Variants in STRA8 observed in about 807,000 individuals in gnomAD.
STRA8 encodes the protein stimulated by retinoic acid gene 8 protein homolog.
A neutral mutation model predicts 37.1 loss-of-function variants in STRA8; 18 were observed. The observed-to-expected ratio is 0.48, with a 90% CI of 0.34 to 0.72. The LOEUF is 0.72. Ranked by LOEUF, STRA8 falls within the 30% of genes least tolerant of loss-of-function variation. STRA8 has a pLI of 0.01. For synonymous variants in STRA8, 168 were observed against 162.9 expected, an observed-to-expected ratio of 1.03 and a Z score of -0.24; for missense variants, 357 against 410.4, an observed-to-expected ratio of 0.87 and a Z score of 1.13.
Position 135,255,245 on chromosome 7 carries a change from C to A in STRA8, c.1065+20C>A. The A allele has an allele frequency of 6.3e-7, 1 of 1,581,104 alleles. No homozygotes were observed. The highest frequency in any genetic ancestry group is 8.7e-7 in the Non-Finnish European group (1 of 1,150,526). On this transcript the variant is annotated intron_variant, in intron 8 of 8. Transcript: ENST00000662584. Reference sequence around the variant, plus strand: ...AAGCAGGTAGGATGGAGTAGAGGGCCGTGGTACCTCTGCCCACCTTGCTTA... The same window carrying A: ...AAGCAGGTAGGATGGAGTAGAGGGCAGTGGTACCTCTGCCCACCTTGCTTA...
rs1562971584 is a variant in STRA8 at position 135,246,820 on chromosome 7, A to G, written c.879+118A>G. The G allele has an allele frequency of 2.8e-6, 3 of 1,086,920 alleles. No individual in the cohort carries two copies. Among genetic ancestry groups the G allele is most frequent in the Middle Eastern group, 3.1e-4 (1 of 3,218 alleles). The allele number at this position is 1,086,920 out of a possible 1,614,324, so 67.3% of individuals were successfully genotyped here. ...AGGTGCAGTTTGCCTTCTGGCTCCC[A>G]AGGTCGGTTTCTGATTTTCTTTTTT... On this transcript the variant is annotated intron_variant, in intron 6 of 8. Coordinates refer to ENST00000662584, the MANE Select transcript of STRA8 (RefSeq NM_001394401.1). The surrounding 1 kb of genome is among the most constrained non-coding windows in gnomAD (Gnocchi z 5.4).
intron 6 of STRA8, among the ~76,000 whole-genome samples, chr7:135,247,384 C>T (rs898232128): frequency 6.6e-6 from 1 of 152,214 alleles, no homozygotes; most frequent in African/African-American, 2.4e-5. Flanking sequence ...CCTCTCTTGG[C>T]TCTGCTCAGT....
At chr7:135,239,675 T>G (rs1280107548) in intron 1 of STRA8, among the ~76,000 whole-genome samples, 2 of 152,180 alleles carry the variant, frequency 1.3e-5, no homozygotes, top group African/African-American at 4.8e-5. Context: ...CCCTGGCCCC[T>G]GTATCTTATT....
At position 135,240,546 on chromosome 7, in the gene STRA8, A is replaced by G. The variant is rs1832446360; in HGVS notation, c.22A>G (p.Ser8Gly). 2 of 1,613,500 alleles carry G rather than the reference A, an allele frequency of 1.2e-6. No homozygotes were observed. Among genetic ancestry groups the G allele is most frequent in the Non-Finnish European group, 1.7e-6 (2 of 1,180,022 alleles). The change falls in exon 2 of 9, where the codon AGC (serine) becomes GGC (glycine). Residue 8 changes from serine to glycine, a missense_variant. Physicochemically the swap from Ser to Gly is moderately conservative, Grantham distance 56 (BLOSUM62 0). Transcript: ENST00000662584. MATPEEN[S>G]NPHDRATPQL... ...TATAATGGCAACCCCTGAAGAAAAC[A>G]GCAATCCCCATGACAGAGCAACACC...
chr7:135,255,715 C>T (rs1832695603), intron 8 of STRA8, among the ~76,000 whole-genome samples: 1 of 152,196 alleles, frequency 6.6e-6, no homozygotes, highest in African/African-American at 2.4e-5. Flanking sequence ...CCTGAAACCA[C>T]CCTTGCCCCC....
intron 4 of STRA8, 110 bp from the exon 5 acceptor site, chr7:135,245,174 TACAC>T: frequency 1.4e-6 from 1 of 694,080 alleles, no homozygotes. Context: ...TGTGTACACC[TACAC>T]ACACACACAT....
In STRA8 at chr7:135,258,487, T is replaced by C; in HGVS notation, c.1135T>C (p.Leu379=). The change falls in exon 9 of 9, where the codon TTG becomes CTG. Residue 379 remains leucine, a synonymous_variant. Transcript: ENST00000662584. The part of the protein sequence containing the change: ...QCTETFDDED[L] The stretch of plus-strand genomic sequence containing the variant: ...CACAGAGACCTTTGACGATGAAGAT[T>C]TGTAATGCAGAAGAGGAGCTGCGAG... The C allele has an allele frequency of 6.3e-7, 1 of 1,597,860 alleles. No individual in the cohort carries two copies. The highest frequency in any genetic ancestry group is 8.5e-7 in the Non-Finnish European group (1 of 1,171,566).
chr7:135,243,693 AAT>A (rs1200191856), intron 4 of STRA8, among the ~76,000 whole-genome samples: 1 of 152,264 alleles, frequency 6.6e-6, no homozygotes, highest in East Asian at 1.9e-4. Context: ...AAAGAAAATC[AAT>A]GTTAATTTTC....
At position 135,246,229 on chromosome 7, in the gene STRA8, C is replaced by A; in HGVS notation, c.594-188C>A. The A allele has an allele frequency of 1.3e-6, 1 of 762,610 alleles. No individual in the cohort carries two copies. Among genetic ancestry groups the A allele is most frequent in the Non-Finnish European group, 2.1e-6 (1 of 478,458 alleles). The allele number at this position is 762,610 out of a possible 1,614,324, so 47.2% of individuals were successfully genotyped here. A position where few individuals can be genotyped will look rare whatever the true frequency, so the allele number is the denominator to read the frequency against. On this transcript the variant is annotated intron_variant, in intron 5 of 8. Coordinates refer to ENST00000662584, the MANE Select transcript of STRA8 (RefSeq NM_001394401.1). This position sits in a 1 kb window ranked among gnomAD's most constrained non-coding sequence, Gnocchi z 5.4. ...GGGCCCCAAAGCCCAAGTCTATGTC[C>A]TTCATGGCCCCCAGGAAGGCTGCTG... is the stretch of plus-strand genomic sequence containing the variant.
chr7:135,254,632 C>G (rs1832679915), intron 7 of STRA8, among the ~76,000 whole-genome samples: 1 of 152,236 alleles, frequency 6.6e-6, no homozygotes, highest in Non-Finnish European at 1.5e-5. Context: ...TCACACAGGG[C>G]TTCTCCCCTT....
At chr7:135,245,872 C>A (rs191771942) in intron 5 of STRA8, among the ~76,000 whole-genome samples, 1 of 152,200 alleles carries the variant, frequency 6.6e-6, no homozygotes, top group African/African-American at 2.4e-5. Context: ...AAACACATAC[C>A]CCCACAAGTC....
intron 2 of STRA8, 101 bp downstream of exon 2, chr7:135,240,817 G>A: frequency 7.6e-7 from 1 of 1,324,112 alleles, no homozygotes; most frequent in Non-Finnish European, 1.0e-6. Flanking sequence ...GCCTGGAGCT[G>A]CCACTTCTGC....
In STRA8 at chr7:135,245,503, C is replaced by T. The variant is rs997606946; in HGVS notation, c.569C>T (p.Ser190Leu). Among the ~76,000 whole-genome samples the T allele has an allele frequency of 6.6e-6, 1 of 152,120 alleles. No homozygotes were observed. Among genetic ancestry groups the T allele is most frequent in the East Asian group, 1.9e-4 (1 of 5,188 alleles). ...KVILYSPGTL[S>L]PDLMEFERYL... is the part of the protein sequence containing the mutation. ...ATCTTATACTCCCCAGGAACTTTGT[C>T]GCCTGACCTCATGGAATTTGAACGG... The change falls in exon 5 of 9, where the codon TCG becomes TTG. Residue 190 changes from serine (S) to leucine (L), a missense_variant. Ser to Leu is a moderately radical substitution (Grantham distance 145, BLOSUM62 -2). Transcript: ENST00000662584.
Position 135,257,403 on chromosome 7 carries a change from T to C in STRA8, c.1066-1015T>C, listed in dbSNP as rs138193663. Among the ~76,000 whole-genome samples the C allele has an allele frequency of 2.3e-3, 354 of 152,152 alleles. 1 individual carries two copies. Among genetic ancestry groups the C allele is most frequent in the African/African-American group, 7.8e-3 (324 of 41,502 alleles). ...TTGGCTGGGATCACTGTTTACAGTG[T>C]CCCTTTAGGGACTGAGAAACCCTTG... On this transcript the variant is annotated intron_variant, in intron 8 of 8. Transcript: ENST00000662584.
intron 8 of STRA8, among the ~76,000 whole-genome samples, chr7:135,255,468 G>A (rs969494936): frequency 6.6e-6 from 1 of 152,202 alleles, no homozygotes; most frequent in Non-Finnish European, 1.5e-5. Context: ...TCTAGGGCAG[G>A]GGTCCCCAAC....
At chr7:135,241,830 G>A (rs1042244915) in intron 2 of STRA8, among the ~76,000 whole-genome samples, 3 of 152,040 alleles carry the variant, frequency 2.0e-5, no homozygotes, top group African/African-American at 7.2e-5. Flanking sequence ...CTGTATCCCT[G>A]GGACTTACCA....
intron 8 of STRA8, among the ~76,000 whole-genome samples, chr7:135,256,781 G>T (rs1185551175): frequency 6.6e-6 from 1 of 152,148 alleles, no homozygotes; most frequent in Non-Finnish European, 1.5e-5. Context: ...CTCCAGCCTG[G>T]GCAACAGAGT....
intron 8 of STRA8, among the ~76,000 whole-genome samples, chr7:135,256,585 A>C (rs1263594200): frequency 6.6e-6 from 1 of 152,186 alleles, no homozygotes; most frequent in Non-Finnish European, 1.5e-5. Context: ...TGGGCAGATC[A>C]CTTGATCCCA....
chr7:135,238,243 C>T (rs534291819), intron 1 of STRA8, among the ~76,000 whole-genome samples: 1 of 152,118 alleles, frequency 6.6e-6, no homozygotes, highest in African/African-American at 2.4e-5. Flanking sequence ...GACCAGGGGG[C>T]GCCTGGGGGC....
Sources: gnomAD v4.1 joint callset for allele counts (sites outside exome capture counted in the v4.1 genomes callset) on GRCh38, gnomAD v4.1.1 for gene constraint, Gnocchi (gnomAD v3.1) non-coding constraint, MANE v1.5 for transcripts, NCBI Gene and HGNC (gene_info 2026-07-23, HGNC 2026-07-21) for gene names.